NPTN: variants seen among roughly 807,000 people sequenced by gnomAD.
NPTN encodes the protein SDR-1.
NPTN carries 5 observed loss-of-function variants against 42.7 expected under a neutral mutation model. The ratio of observed to expected loss-of-function variants is 0.12; its 90% CI spans 0.06 to 0.25. NPTN has a LOEUF of 0.25. Ranked by LOEUF, NPTN falls within the 10% of genes least tolerant of loss-of-function variation. The pLI is 1.00. For synonymous variants in NPTN, 180 were observed against 201.9 expected, an observed-to-expected ratio of 0.89 and a Z score of 0.92; for missense variants, 307 against 525.4, an observed-to-expected ratio of 0.58 and a Z score of 4.06.
intron 1 of NPTN, among the ~76,000 whole-genome samples, chr15:73,607,574 C>T (rs1376543656): frequency 6.6e-6 from 1 of 152,094 alleles, no homozygotes; most frequent in African/African-American, 2.4e-5. Context: ...TCTCAGAAAC[C>T]ACAGAGTCAA....
In NPTN at chr15:73,597,805, G is replaced by C. The variant is rs1275822307; in HGVS notation, c.92-436C>G. On this transcript the variant is annotated intron_variant, in intron 1 of 8. Transcript: ENST00000345330. This position sits in a 1 kb window ranked among gnomAD's most constrained non-coding sequence, Gnocchi z 6.3. The stretch of plus-strand genomic sequence containing the variant: ...GGCAGTAGTTTTATATGCCAAATCA[G>C]GATCTCTCTTTTGGATGGGCAAACG... 6.6e-6 allele frequency among the ~76,000 whole-genome samples: 1 copy of C among 152,220 alleles called. No individual in the cohort carries two copies. Among genetic ancestry groups the C allele is most frequent in the Non-Finnish European group, 1.5e-5 (1 of 68,038 alleles).
rs147134152 is a variant in NPTN at position 73,569,200 on chromosome 15, G to A, written c.1114+950C>T. 3 of 985,400 alleles carry A rather than the reference G, an allele frequency of 3.0e-6. No individual in the cohort carries two copies. The highest frequency in any genetic ancestry group is 6.1e-5 in the Admixed American group (1 of 16,274). The allele number at this position is 985,400 out of a possible 1,614,324, so 61.0% of individuals were successfully genotyped here. A position where few individuals can be genotyped will look rare whatever the true frequency, so the allele number is the denominator to read the frequency against. ...ACAGTCGGCCAATTAATTTCTGTACGCCGGTCATGTTATAGGGTGGGGATG... is the reference window on the plus strand; with the variant it reads ...ACAGTCGGCCAATTAATTTCTGTACACCGGTCATGTTATAGGGTGGGGATG... On this transcript the variant is annotated intron_variant, in intron 6 of 8. Coordinates refer to ENST00000345330, the MANE Select transcript of NPTN (RefSeq NM_012428.4). The surrounding 1 kb of genome is among the most constrained non-coding windows in gnomAD (Gnocchi z 4.1).
At chr15:73,562,176 G>C (rs1241837191) in intron 7 of NPTN, among the ~76,000 whole-genome samples, 3 of 152,092 alleles carry the variant, frequency 2.0e-5, no homozygotes, top group African/African-American at 7.2e-5. Context: ...GATCAGAAAT[G>C]TTTCAGATTT....
chr15:73,605,114 A>G lies in NPTN; in HGVS notation c.92-7745T>C, dbSNP rs1020692587. 6.5e-3 allele frequency among the ~76,000 whole-genome samples: 920 copies of G among 140,484 alleles called. 40 individuals are homozygous for G. The highest frequency in any genetic ancestry group is 0.026 in the African/African-American group (883 of 34,598). The allele number at this position is 140,484 out of a possible 152,430, so 92.2% of individuals were successfully genotyped here. A position where few individuals can be genotyped will look rare whatever the true frequency, so the allele number is the denominator to read the frequency against. ...CCCTGTCTCAAGGGGGGGGGGGGAA[A>G]AGAATGATCTAAACTAGTCCTGAGT... On this transcript the variant is annotated intron_variant, in intron 1 of 8. Transcript: ENST00000345330.
rs1033654918 is a variant in NPTN at position 73,597,486 on chromosome 15, G to T, written c.92-117C>A. 1 of 757,120 alleles carries T rather than the reference G, an allele frequency of 1.3e-6. No individual in the cohort carries two copies. Among genetic ancestry groups the T allele is most frequent in the Non-Finnish European group, 2.1e-6 (1 of 473,792 alleles). 46.9% of individuals were successfully genotyped at this position (757,120 alleles called of 1,614,324 possible). The stretch of plus-strand genomic sequence containing the variant: ...AAGAAAAAAGCAAATGAGTTGCAAA[G>T]AACAAAAAAGGATTCATTTTTAAAC... On this transcript the variant is annotated intron_variant, in intron 1 of 8. Transcript: ENST00000345330. This position sits in a 1 kb window ranked among gnomAD's most constrained non-coding sequence, Gnocchi z 6.3.
At chr15:73,629,547 T>C (rs548607440) in intron 1 of NPTN, among the ~76,000 whole-genome samples, 2 of 152,110 alleles carry the variant, frequency 1.3e-5, no homozygotes, top group East Asian at 1.9e-4. Context: ...CAAAGCACAA[T>C]GTTCACAACT....
intron 6 of NPTN, among the ~76,000 whole-genome samples, chr15:73,566,712 T>A (rs1895031586): frequency 6.6e-6 from 1 of 152,242 alleles, no homozygotes; most frequent in Non-Finnish European, 1.5e-5. Flanking sequence ...GCCTAGAGGC[T>A]GCTAGCTTGA....
chr15:73,566,876 C>T (rs985308940), intron 6 of NPTN: 2 of 259,140 alleles, frequency 7.7e-6, no homozygotes, highest in South Asian at 1.4e-4. Flanking sequence ...AGTCCACCTA[C>T]AAGACAACCT....
At position 73,592,083 on chromosome 15, in the gene NPTN, G is replaced by A. The variant is rs1203547043; in HGVS notation, c.494C>T (p.Pro165Leu). The change falls in exon 3 of 9, where the codon CCT becomes CTT. Residue 165 changes from proline to leucine, a missense_variant. Transcript: ENST00000345330. ...EVIIRDSPVLPVTLQCNLTSS... is the reference protein window; with the variant it reads ...EVIIRDSPVLLVTLQCNLTSS... ...GGTGAGGTTACACTGCAGGGTGACA[G>A]GGAGAACAGGGCTGTCTCGAATAAT... The A allele has an allele frequency of 6.2e-7, 1 of 1,614,038 alleles. No individual in the cohort carries two copies. The highest frequency in any genetic ancestry group is 8.5e-7 in the Non-Finnish European group (1 of 1,179,952).
At chr15:73,579,422 T>C (rs1895877085) in intron 4 of NPTN, among the ~76,000 whole-genome samples, 1 of 152,206 alleles carries the variant, frequency 6.6e-6, no homozygotes, top group Admixed American at 6.5e-5. Flanking sequence ...CATTCTCCTT[T>C]GACCCAAAGA....
At chr15:73,596,414 C>A (rs1273737200) in intron 2 of NPTN, among the ~76,000 whole-genome samples, 1 of 152,168 alleles carries the variant, frequency 6.6e-6, no homozygotes, top group Non-Finnish European at 1.5e-5. Context: ...GCAACATTCC[C>A]ATCACAACAA....
chr15:73,565,833 A>G, intron 6 of NPTN: 1 of 455,834 alleles, frequency 2.2e-6, no homozygotes, highest in South Asian at 1.6e-5. Flanking sequence ...AATGGACCAC[A>G]GCCCTCACTC....
At chr15:73,572,490 C>T (rs11854138) in intron 5 of NPTN, among the ~76,000 whole-genome samples, 10,872 of 152,254 alleles carry the variant, frequency 0.071, 489 homozygotes, top group African/African-American at 0.12. Context: ...CAAATACCGT[C>T]AGGTTCCCAA....
intron 1 of NPTN, among the ~76,000 whole-genome samples, chr15:73,609,572 A>G (rs1844489092): frequency 6.6e-6 from 1 of 152,216 alleles, no homozygotes; most frequent in African/African-American, 2.4e-5. Context: ...TGGAGGTTGC[A>G]GTGAGCCGAG....
chr15:73,568,373 C>A, intron 6 of NPTN: 21 of 985,426 alleles, frequency 2.1e-5, no homozygotes, highest in Non-Finnish European at 2.5e-5. Context: ...TTTAGCTTCT[C>A]AACCTTTCCA....
chr15:73,596,854 G>A (rs1446888409), intron 2 of NPTN, among the ~76,000 whole-genome samples, 168 bp downstream of exon 2: 1 of 151,706 alleles, frequency 6.6e-6, no homozygotes, highest in African/African-American at 2.4e-5. Flanking sequence ...AGTTGCCACA[G>A]ATGTTTTCAT....
intron 4 of NPTN, among the ~76,000 whole-genome samples, chr15:73,586,205 C>T (rs1278577944): frequency 6.6e-6 from 1 of 152,218 alleles, no homozygotes; most frequent in Non-Finnish European, 1.5e-5. Context: ...TGCTGCACGG[C>T]CTCAAGTCTC....
At position 73,568,498 on chromosome 15, in the gene NPTN, C is replaced by T. The variant is rs1281955433; in HGVS notation, c.1114+1652G>A. ...CCACAGAGCCAAAGCTGAAAACACA[C>T]GAAAGACAGGCAACTCTTTCCCTTT... is the stretch of plus-strand genomic sequence containing the variant. On this transcript the variant is annotated intron_variant, in intron 6 of 8. Coordinates refer to ENST00000345330, the MANE Select transcript of NPTN (RefSeq NM_012428.4). 4 of 985,372 alleles carry T rather than the reference C, an allele frequency of 4.1e-6. 1 individual carries two copies. The highest frequency in any genetic ancestry group is 4.7e-5 in the South Asian group (1 of 21,282). The allele number at this position is 985,372 out of a possible 1,614,324, so 61.0% of individuals were successfully genotyped here.
Position 73,617,600 on chromosome 15 carries a change from T to C in NPTN, c.91+15525A>G, listed in dbSNP as rs187924399. 3.3e-5 allele frequency among the ~76,000 whole-genome samples: 5 copies of C among 152,324 alleles called. No homozygotes were observed. In the East Asian group the frequency reaches 9.6e-4, roughly 29 times the overall value. On this transcript the variant is annotated intron_variant, in intron 1 of 8. Transcript: ENST00000345330. ...CCTACTACTGGGCCTGTCAAGTTTT[T>C]CCAGTGGTATATTTTGAGAGTTCAA... is the stretch of plus-strand genomic sequence containing the variant.
Sources: allele counts gnomAD v4.1 joint callset (sites outside exome capture counted in the v4.1 genomes callset), GRCh38; gene constraint gnomAD v4.1.1; non-coding constraint Gnocchi (gnomAD v3.1); transcripts MANE v1.5; gene names NCBI Gene and HGNC (gene_info 2026-07-23, HGNC 2026-07-21).